DNM3: variants seen among roughly 807,000 people sequenced by gnomAD.
DNM3 encodes the protein dynamin-3.
A neutral mutation model predicts 101.6 loss-of-function variants in DNM3; 47 were observed. That is an observed-to-expected ratio of 0.46 (90% CI 0.37 to 0.59). The LOEUF (loss-of-function observed/expected upper bound fraction) is 0.59. Among genes scored for constraint, DNM3 ranks in the 20% least tolerant of loss-of-function variants. The pLI, the probability that DNM3 is intolerant of heterozygous loss-of-function variation, is 0.00. For synonymous variants in DNM3, 385 were observed against 387.9 expected, an observed-to-expected ratio of 0.99 and a Z score of 0.09; for missense variants, 849 against 1,085.7, an observed-to-expected ratio of 0.78 and a Z score of 3.06.
chr1:172,089,035 G>T (rs1331081553), intron 12 of DNM3, among the ~76,000 whole-genome samples: 1 of 152,226 alleles, frequency 6.6e-6, no homozygotes, highest in Non-Finnish European at 1.5e-5. Context: ...AGTGACTTGT[G>T]TGTAGTAGGA....
At chr1:172,185,018 G>GA (rs34385291) in intron 14 of DNM3, among the ~76,000 whole-genome samples, 7 of 150,600 alleles carry the variant, frequency 4.6e-5, no homozygotes, top group East Asian at 3.9e-4. Flanking sequence ...AAGTGATTTG[G>GA]AAAAAAAAAG....
At chr1:172,138,842 G>C (rs1055443359) in intron 14 of DNM3, 4 of 475,460 alleles carry the variant, frequency 8.4e-6, no homozygotes, top group African/African-American at 8.0e-5. Flanking sequence ...TGCTGTACAG[G>C]TGAGCGGATG....
intron 14 of DNM3, among the ~76,000 whole-genome samples, chr1:172,164,232 CTTT>C (rs3980440): frequency 2.4e-5 from 3 of 126,646 alleles, no homozygotes; most frequent in Non-Finnish European, 4.8e-5. Context: ...CTTTTCTTTT[CTTT>C]TTTTTTTTTT....
At chr1:172,315,731 G>A (rs951930814) in intron 16 of DNM3, among the ~76,000 whole-genome samples, 5 of 152,150 alleles carry the variant, frequency 3.3e-5, no homozygotes, top group Admixed American at 1.3e-4. Flanking sequence ...AGAAATATGG[G>A]ACTATGTGAA....
At chr1:172,027,472 T>C (rs912058938) in intron 4 of DNM3, among the ~76,000 whole-genome samples, 2 of 151,948 alleles carry the variant, frequency 1.3e-5, no homozygotes, top group Admixed American at 6.6e-5. Flanking sequence ...TCCCAGCTAC[T>C]CAGGAGGCTC....
At chr1:172,078,465 A>G (rs1037532159) in intron 11 of DNM3, among the ~76,000 whole-genome samples, 2 of 142,896 alleles carry the variant, frequency 1.4e-5, no homozygotes, top group African/African-American at 2.6e-5. Context: ...TTTTCTTTCC[A>G]TTTGCTTGGT....
intron 14 of DNM3, chr1:172,131,835 T>G (rs528323058): frequency 2.6e-6 from 1 of 380,714 alleles, no homozygotes; most frequent in Admixed American, 3.2e-5. Flanking sequence ...AAAGCATGAA[T>G]TATGGTAATT....
intron 13 of DNM3, among the ~76,000 whole-genome samples, chr1:172,096,444 G>A (rs1407576979): frequency 2.0e-5 from 3 of 152,190 alleles, no homozygotes; most frequent in Non-Finnish European, 4.4e-5. Flanking sequence ...CCGGGCTTGG[G>A]TGTTTGTACT....
intron 2 of DNM3, among the ~76,000 whole-genome samples, chr1:171,954,840 T>C (rs758806501): frequency 2.0e-5 from 3 of 152,236 alleles, no homozygotes; most frequent in Non-Finnish European, 4.4e-5. Context: ...CATTGTGTTA[T>C]GCAATTTTTC....
chr1:171,944,532 C>T (rs1246581556), intron 2 of DNM3, among the ~76,000 whole-genome samples: 2 of 151,792 alleles, frequency 1.3e-5, no homozygotes, highest in Non-Finnish European at 2.9e-5. Context: ...TGCCATCATG[C>T]CCAGCTAATT....
chr1:172,324,657 C>T (rs10797965), intron 17 of DNM3, among the ~76,000 whole-genome samples: 81,086 of 151,890 alleles, frequency 0.53, 22,247 homozygotes, highest in Middle Eastern at 0.68. Flanking sequence ...TAACTAATTC[C>T]ACCACTCTTT....
intron 14 of DNM3, among the ~76,000 whole-genome samples, chr1:172,153,800 A>G (rs1247504547): frequency 6.6e-6 from 1 of 152,118 alleles, no homozygotes; most frequent in Non-Finnish European, 1.5e-5. Flanking sequence ...TTGCTTTGAT[A>G]CTTCCATGTG....
At chr1:172,403,255 T>C (rs1047826394) in intron 20 of DNM3, among the ~76,000 whole-genome samples, 2 of 152,204 alleles carry the variant, frequency 1.3e-5, no homozygotes, top group South Asian at 2.1e-4. Context: ...TATGGAGAAA[T>C]AAGGGCAGGG....
intron 1 of DNM3, among the ~76,000 whole-genome samples, chr1:171,907,847 A>C (rs2038959905): frequency 6.6e-6 from 1 of 152,194 alleles, no homozygotes; most frequent in African/African-American, 2.4e-5. Flanking sequence ...TAAATATATA[A>C]AATTCTCTGC....
intron 14 of DNM3, among the ~76,000 whole-genome samples, chr1:172,188,588 T>G (rs918580722): frequency 1.3e-5 from 2 of 152,138 alleles, no homozygotes; most frequent in African/African-American, 4.8e-5. Context: ...TAGAGGGACA[T>G]CTTGGCTGTT....
chr1:172,143,847 C>T (rs1019743890), intron 14 of DNM3, among the ~76,000 whole-genome samples: 40 of 152,214 alleles, frequency 2.6e-4, no homozygotes, highest in African/African-American at 8.9e-4. Context: ...TCTGCATTGT[C>T]TGGTAGGCAA....
intron 1 of DNM3, among the ~76,000 whole-genome samples, chr1:171,894,168 G>A (rs777807861): frequency 6.6e-6 from 1 of 151,494 alleles, no homozygotes; most frequent in Non-Finnish European, 1.5e-5. Flanking sequence ...ATGTTGGCCA[G>A]GCTGGTCTGG....
At chr1:171,939,599 A>C (rs373109271) in intron 2 of DNM3, among the ~76,000 whole-genome samples, 1 of 152,204 alleles carries the variant, frequency 6.6e-6, no homozygotes, top group African/African-American at 2.4e-5. Flanking sequence ...TCTTTTTTCT[A>C]TTCCCTTCCT....
intron 2 of DNM3, among the ~76,000 whole-genome samples, chr1:171,966,747 G>A (rs1362635483): frequency 2.0e-5 from 3 of 152,114 alleles, no homozygotes; most frequent in African/African-American, 7.2e-5. Context: ...TGTTCACTTT[G>A]GGGTGGAGTT....
Sources: allele counts gnomAD v4.1 joint callset (sites outside exome capture counted in the v4.1 genomes callset), GRCh38; gene constraint gnomAD v4.1.1; transcripts MANE v1.5; gene names NCBI Gene and HGNC (gene_info 2026-07-23, HGNC 2026-07-21).